Variants in RHOBTB1 observed in about 807,000 individuals in gnomAD.
RHOBTB1 encodes rho-related BTB domain-containing protein 1.
Under a neutral mutation model 71.6 loss-of-function variants are expected in RHOBTB1, and 40 were observed. That is an observed-to-expected ratio of 0.56 (90% confidence interval 0.43 to 0.73). RHOBTB1 has a LOEUF of 0.73. RHOBTB1 is among the 30% of genes least tolerant of loss of function. The pLI is 0.00. For missense variants in RHOBTB1, 797 were observed against 894.0 expected, an observed-to-expected ratio of 0.89 and a Z score of 1.38; for synonymous variants, 319 against 334.9, an observed-to-expected ratio of 0.95 and a Z score of 0.52.
At chr10:60,866,603 T>C (rs907022201), downstream of RHOBTB1, among the ~76,000 whole-genome samples, 16 of 152,050 alleles carry the variant, frequency 1.1e-4, no homozygotes, top group African/African-American at 3.6e-4. Context: ...AAAAAAATGA[T>C]TGGGAGCAAT....
At chr10:60,914,362 T>A (rs571330101) in intron 2 of RHOBTB1, among the ~76,000 whole-genome samples, 1 of 152,330 alleles carries the variant, frequency 6.6e-6, no homozygotes, top group East Asian at 1.9e-4. Flanking sequence ...GTAGCCTGAA[T>A]CAGAAACACA....
intron 2 of RHOBTB1, among the ~76,000 whole-genome samples, chr10:60,935,853 G>A (rs1311712244): frequency 2.0e-5 from 3 of 152,154 alleles, no homozygotes; most frequent in Non-Finnish European, 4.4e-5. Flanking sequence ...ATATAATGGT[G>A]TGACACTGCA....
chr10:60,928,726 C>A (rs754076115), intron 2 of RHOBTB1, among the ~76,000 whole-genome samples: 1 of 151,476 alleles, frequency 6.6e-6, no homozygotes, highest in Non-Finnish European at 1.5e-5. Context: ...AATGGGGCAA[C>A]TATAGTAAAT....
chr10:60,959,447 C>A (rs2085706255), intron 2 of RHOBTB1, among the ~76,000 whole-genome samples: 1 of 152,132 alleles, frequency 6.6e-6, no homozygotes, highest in Non-Finnish European at 1.5e-5. Context: ...GCTACGTGGA[C>A]AAGAAAGGAC....
At chr10:60,976,887 T>C (rs946432900) in intron 2 of RHOBTB1, among the ~76,000 whole-genome samples, 3 of 152,044 alleles carry the variant, frequency 2.0e-5, no homozygotes, top group African/African-American at 7.2e-5. Flanking sequence ...AAATGTGTTT[T>C]AAATCATCTG....
At chr10:60,960,467 A>C (rs1470650952) in intron 2 of RHOBTB1, among the ~76,000 whole-genome samples, 1 of 152,188 alleles carries the variant, frequency 6.6e-6, no homozygotes, top group East Asian at 1.9e-4. Flanking sequence ...GAAATTTAAT[A>C]ATCTGTATTT....
Position 60,889,182 on chromosome 10 carries a change from G to A in RHOBTB1, c.486C>T (p.Pro162=). The A allele has an allele frequency of 6.2e-7, 1 of 1,607,106 alleles. No individual in the cohort carries two copies. Among genetic ancestry groups the A allele is most frequent in the South Asian group, 1.1e-5 (1 of 89,866 alleles). ...VNRARRPLAR[P]IKRGDILPPE... ...GGGGCAAAATATCCCCTCTCTTTAT[G>A]GGCCTGAAATAGAACATTTTAAAAA... The change falls in exon 6 of 11, where the codon CCC becomes CCT. Residue 162 remains proline, a synonymous_variant. Transcript: ENST00000337910.
chr10:60,893,756 A>T (rs1459465575), intron 4 of RHOBTB1, among the ~76,000 whole-genome samples: 2 of 152,230 alleles, frequency 1.3e-5, no homozygotes, highest in Non-Finnish European at 2.9e-5. Context: ...AAATTTTGAC[A>T]TAAGGGTCTT....
intron 4 of RHOBTB1, among the ~76,000 whole-genome samples, chr10:60,903,043 T>C (rs904004181): frequency 5.9e-5 from 9 of 152,062 alleles, no homozygotes; most frequent in African/African-American, 2.2e-4. Context: ...ACGATAGGGA[T>C]TTGCAAAGCT....
chr10:60,899,923 C>T (rs186038468), intron 4 of RHOBTB1, among the ~76,000 whole-genome samples: 5 of 152,172 alleles, frequency 3.3e-5, no homozygotes, highest in South Asian at 2.1e-4. Flanking sequence ...GGGAGGGCCT[C>T]GCTGAGAAGG....
At chr10:60,984,934 T>C (rs1466955694) in intron 2 of RHOBTB1, among the ~76,000 whole-genome samples, 1 of 152,232 alleles carries the variant, frequency 6.6e-6, no homozygotes, top group African/African-American at 2.4e-5. Context: ...AATGTTCATA[T>C]GATTTATTAT....
intron 9 of RHOBTB1, among the ~76,000 whole-genome samples, chr10:60,874,066 C>A (rs766739313): frequency 7.2e-5 from 11 of 152,244 alleles, no homozygotes; most frequent in African/African-American, 2.7e-4. Flanking sequence ...CTCCCTGAAA[C>A]CACCTCCTTT....
intron 2 of RHOBTB1, among the ~76,000 whole-genome samples, chr10:60,966,301 T>C (rs1301355458): frequency 1.3e-5 from 2 of 151,424 alleles, no homozygotes; most frequent in African/African-American, 4.8e-5. Context: ...TCTGATTATA[T>C]TCGAAAAAAA....
chr10:60,935,844 T>C (rs2084549087), intron 2 of RHOBTB1, among the ~76,000 whole-genome samples: 1 of 152,222 alleles, frequency 6.6e-6, no homozygotes, highest in Non-Finnish European at 1.5e-5. Context: ...GAAAGTACAA[T>C]ATAATGGTGT....
intron 5 of RHOBTB1, among the ~76,000 whole-genome samples, chr10:60,889,577 T>C (rs1203533029): frequency 6.6e-6 from 1 of 152,216 alleles, no homozygotes; most frequent in Admixed American, 6.5e-5. Context: ...TTAATTCTGA[T>C]AGCTTTTTTT....
chr10:60,972,559 T>C (rs2086195103), intron 2 of RHOBTB1, among the ~76,000 whole-genome samples: 1 of 151,940 alleles, frequency 6.6e-6, no homozygotes, highest in Non-Finnish European at 1.5e-5. Flanking sequence ...AGAAGAGGGA[T>C]AGCATTAGGA....
intron 2 of RHOBTB1, among the ~76,000 whole-genome samples, chr10:60,956,378 A>T (rs1399336232): frequency 6.6e-6 from 1 of 152,208 alleles, no homozygotes; most frequent in Non-Finnish European, 1.5e-5. Flanking sequence ...AAGGCCTAGG[A>T]CATTACTACA....
rs79288593 is a variant in RHOBTB1 at position 60,876,544 on chromosome 10, T to C, written c.1726+1364A>G. ...AAATTACATTTGACAGTTTCAAAAATAAATAAAAATGTATCCTCAGGAATA... is the reference window on the plus strand; with the variant it reads ...AAATTACATTTGACAGTTTCAAAAACAAATAAAAATGTATCCTCAGGAATA... On this transcript the variant is annotated intron_variant, in intron 8 of 10. Transcript: ENST00000337910. Among the ~76,000 whole-genome samples the C allele has an allele frequency of 1.6e-3, 246 of 152,246 alleles. 1 individual carries two copies. The highest frequency in any genetic ancestry group is 5.6e-3 in the African/African-American group (234 of 41,570).
At chr10:60,918,863 C>T (rs942909306) in intron 2 of RHOBTB1, among the ~76,000 whole-genome samples, 1 of 151,990 alleles carries the variant, frequency 6.6e-6, no homozygotes, top group Admixed American at 6.6e-5. Context: ...TCTCCTGACT[C>T]AGCCTCCCGA....
Sources: gnomAD v4.1 joint callset for allele counts (sites outside exome capture counted in the v4.1 genomes callset) on GRCh38, gnomAD v4.1.1 for gene constraint, MANE v1.5 for transcripts, NCBI Gene and HGNC (gene_info 2026-07-23, HGNC 2026-07-21) for gene names.